Variants in XPO4 observed in about 807,000 individuals in gnomAD.
XPO4 encodes exportin-4.
XPO4 carries 39 observed loss-of-function variants against 143.0 expected under a neutral mutation model. The ratio of observed to expected loss-of-function variants is 0.27; its 90% confidence interval spans 0.21 to 0.36. The LOEUF is 0.36. Among genes scored for constraint, XPO4 ranks in the 10% least tolerant of loss-of-function variants. The probability of loss-of-function intolerance (pLI) is 1.00; values close to 1 mark genes in which losing one functional copy is unlikely to be tolerated. For synonymous variants in XPO4, 439 were observed against 474.0 expected (o/e 0.93, Z 0.96); for missense variants, 907 against 1,348.0 (o/e 0.67, Z 5.12).
intron 9 of XPO4, among the ~76,000 whole-genome samples, chr13:20,812,183 C>T (rs575123512): frequency 6.6e-6 from 1 of 151,990 alleles, no homozygotes; most frequent in South Asian, 2.1e-4. Context: ...CCAGCCTGGC[C>T]AACATGACAA....
In XPO4 at chr13:20,781,825, A is replaced by G. The variant is rs998858754; in HGVS notation, c.*1897T>C. On this transcript the variant is annotated 3_prime_UTR_variant, in exon 23 of 23. Transcript: ENST00000255305. Reference sequence around the variant, plus strand: ...AAAGCTTGAGGGATCTGGGAAACACAAAACACCAAGAACAATGCAAAACAA... The same window carrying G: ...AAAGCTTGAGGGATCTGGGAAACACGAAACACCAAGAACAATGCAAAACAA... 1.3e-5 allele frequency: 2 copies of G among 152,236 alleles called. No homozygotes were observed. The highest frequency in any genetic ancestry group is 4.8e-5 in the African/African-American group (2 of 41,464). The allele number at this position is 152,236 out of a possible 1,614,324, so 9.4% of individuals were successfully genotyped here. A position where few individuals can be genotyped will look rare whatever the true frequency, so the allele number is the denominator to read the frequency against.
intron 1 of XPO4, among the ~76,000 whole-genome samples, chr13:20,896,477 TATTTC>T (rs1039444579): frequency 6.6e-6 from 1 of 152,216 alleles, no homozygotes; most frequent in Non-Finnish European, 1.5e-5. Flanking sequence ...CCCTATAATT[TATTTC>T]TACAGTTTTT....
intron 13 of XPO4, among the ~76,000 whole-genome samples, chr13:20,802,226 T>A (rs981265969): frequency 8.5e-5 from 13 of 152,188 alleles, no homozygotes; most frequent in African/African-American, 2.9e-4. Flanking sequence ...CCAGGCCGAT[T>A]TAAAAAATTT....
intron 1 of XPO4, among the ~76,000 whole-genome samples, chr13:20,877,303 T>G (rs1212396463): frequency 6.6e-6 from 1 of 152,216 alleles, no homozygotes; most frequent in African/African-American, 2.4e-5. Context: ...TAATTTTATT[T>G]GCTCAGCAGC....
chr13:20,879,355 C>T (rs574520593), intron 1 of XPO4: 7 of 970,508 alleles, frequency 7.2e-6, no homozygotes, highest in Non-Finnish European at 8.6e-6. Flanking sequence ...CCGGTCTGGA[C>T]CTTAACAATA....
intron 1 of XPO4, among the ~76,000 whole-genome samples, chr13:20,890,195 T>TGAC (rs534111998): frequency 1.3e-4 from 20 of 152,202 alleles, no homozygotes; most frequent in Admixed American, 9.8e-4. Flanking sequence ...ATGCCCGTCA[T>TGAC]CCCAGCACTT....
At chr13:20,824,977 C>T (rs1185518748) in intron 7 of XPO4, among the ~76,000 whole-genome samples, 1 of 152,124 alleles carries the variant, frequency 6.6e-6, no homozygotes, top group Non-Finnish European at 1.5e-5. Context: ...CATCTGGGAA[C>T]CGGTGCCTGA....
intron 12 of XPO4, among the ~76,000 whole-genome samples, chr13:20,807,881 C>T (rs1268615610): frequency 6.6e-6 from 1 of 152,102 alleles, no homozygotes; most frequent in Non-Finnish European, 1.5e-5. Context: ...TTTTAATCTA[C>T]TACCTTAAAT....
intron 6 of XPO4, among the ~76,000 whole-genome samples, chr13:20,839,516 T>A (rs1389630327): frequency 6.6e-6 from 1 of 152,156 alleles, no homozygotes; most frequent in Non-Finnish European, 1.5e-5. Flanking sequence ...GGGTATATAG[T>A]ATAGTGTGTG....
chr13:20,787,694 A>G, intron 20 of XPO4, 96 bp from the exon 21 acceptor site: 1 of 938,542 alleles, frequency 1.1e-6, no homozygotes, highest in Non-Finnish European at 1.7e-6. Context: ...GAGTGTTTCT[A>G]GAAATGAATA....
At chr13:20,869,861 T>C (rs2060277879) in intron 1 of XPO4, among the ~76,000 whole-genome samples, 1 of 152,118 alleles carries the variant, frequency 6.6e-6, no homozygotes, top group African/African-American at 2.4e-5. Context: ...TCCTAGCACT[T>C]TGGGAGGCCA....
intron 4 of XPO4, among the ~76,000 whole-genome samples, chr13:20,846,848 TAAAAA>T (rs2060034198): frequency 6.6e-6 from 1 of 151,972 alleles, no homozygotes; most frequent in African/African-American, 2.4e-5. Flanking sequence ...ACCTATGAAA[TAAAAA>T]GAAAAAAATT....
At chr13:20,853,228 G>A (rs2060107564) in intron 4 of XPO4, among the ~76,000 whole-genome samples, 2 of 150,338 alleles carry the variant, frequency 1.3e-5, no homozygotes, top group Admixed American at 6.7e-5. Flanking sequence ...AGCTACTCAG[G>A]AGAGACTAAG....
intron 3 of XPO4, chr13:20,858,063 C>A: frequency 1.2e-6 from 1 of 825,646 alleles, no homozygotes; most frequent in East Asian, 1.2e-4. Flanking sequence ...CTACAAGATA[C>A]AAATATCTGT....
At chr13:20,882,627 C>T (rs1251709199) in intron 1 of XPO4, among the ~76,000 whole-genome samples, 2 of 152,110 alleles carry the variant, frequency 1.3e-5, no homozygotes, top group Non-Finnish European at 2.9e-5. Context: ...GTGGCTCATG[C>T]TTGTAATCCT....
At position 20,844,103 on chromosome 13, in the gene XPO4, A is replaced by C. The variant is rs146008470; in HGVS notation, c.457-217T>G. On this transcript the variant is annotated intron_variant, in intron 4 of 22. Transcript: ENST00000255305. ...TGGTCAGTGTTAATAGTACTTCCTC[A>C]AATGCAGTTATACAAATCCATCTAA... Among the ~76,000 whole-genome samples the C allele has an allele frequency of 3.0e-3, 452 of 152,338 alleles. 1 individual carries two copies. The highest frequency in any genetic ancestry group is 0.011 in the African/African-American group (437 of 41,584).
At chr13:20,789,561 T>A (rs2059250923) in intron 19 of XPO4, among the ~76,000 whole-genome samples, 2 of 150,400 alleles carry the variant, frequency 1.3e-5, no homozygotes, top group African/African-American at 4.9e-5. Flanking sequence ...CACCCGGCTT[T>A]TTTTTTGTGT....
chr13:20,895,123 A>G (rs1351849795), intron 1 of XPO4, among the ~76,000 whole-genome samples: 2 of 152,236 alleles, frequency 1.3e-5, no homozygotes, highest in East Asian at 3.9e-4. Context: ...GGTGGCAGGG[A>G]GCCGAGATTG....
intron 2 of XPO4, among the ~76,000 whole-genome samples, chr13:20,866,737 AT>A (rs1347677170): frequency 6.6e-6 from 1 of 152,214 alleles, no homozygotes; most frequent in Non-Finnish European, 1.5e-5. Context: ...TCTTTAGAAA[AT>A]TTTATCAGGA....
Sources: gnomAD v4.1 joint callset for allele counts (sites outside exome capture counted in the v4.1 genomes callset) on GRCh38, gnomAD v4.1.1 for gene constraint, MANE v1.5 for transcripts, NCBI Gene and HGNC (gene_info 2026-07-23, HGNC 2026-07-21) for gene names.